The following RSPO4 variants were observed in gnomAD, a reference collection of about 807,000 sequenced individuals.
The protein encoded by RSPO4 is R-spondin 4.
In RSPO4, 23 loss-of-function variants were observed where a neutral mutation model predicts 24.8. That is an observed-to-expected ratio of 0.93 (90% CI 0.67 to 1.31). The LOEUF is 1.31. RSPO4 is among the 40% of genes most tolerant of loss of function. The probability of loss-of-function intolerance (pLI) is 0.00; values close to 1 mark genes in which losing one functional copy is unlikely to be tolerated. For missense variants in RSPO4, 333 were observed against 316.5 expected (o/e 1.05, Z -0.39); for synonymous variants, 141 against 127.4 (o/e 1.11, Z -0.72).
chr20:969,485 TC>T (rs2122221016), intron 1 of RSPO4, among the ~76,000 whole-genome samples: 1 of 152,176 alleles, frequency 6.6e-6, no homozygotes, highest in South Asian at 2.1e-4. Flanking sequence ...GGACATAAAC[TC>T]ATGTCCATAG....
intron 1 of RSPO4, among the ~76,000 whole-genome samples, chr20:975,623 T>G (rs148193559): frequency 0.014 from 2,170 of 152,314 alleles, 23 homozygotes; most frequent in Non-Finnish European, 0.022. Flanking sequence ...TTTGACAGTT[T>G]GCAAAGTGAT....
At chr20:991,910 G>A (rs944549064) in intron 1 of RSPO4, among the ~76,000 whole-genome samples, 1 of 152,140 alleles carries the variant, frequency 6.6e-6, no homozygotes, top group African/African-American at 2.4e-5. Context: ...AAACATCAAA[G>A]GAGAGCAAGG....
chr20:971,912 A>T lies in RSPO4; in HGVS notation c.80-3774T>A, dbSNP rs373259045. Among the ~76,000 whole-genome samples, 292 of 152,206 alleles carry T rather than the reference A, an allele frequency of 1.9e-3. 2 individuals carry two copies. The highest frequency in any genetic ancestry group is 6.6e-3 in the African/African-American group (275 of 41,532). On this transcript the variant is annotated intron_variant, in intron 1 of 4. Transcript: ENST00000217260. ...TCCTTCTCCACTAGCTCCCCTCCCAAGCCCTGTCCCATCCTCAAGCTGAGG... is the reference window on the plus strand; with the variant it reads ...TCCTTCTCCACTAGCTCCCCTCCCATGCCCTGTCCCATCCTCAAGCTGAGG...
At chr20:995,017 G>A (rs140443503) in intron 1 of RSPO4, among the ~76,000 whole-genome samples, 8 of 152,270 alleles carry the variant, frequency 5.3e-5, no homozygotes, top group African/African-American at 1.9e-4. Context: ...TTCAAGTTTT[G>A]CCTTCACCGC....
chr20:1,002,263 GCGCGCCGGGCGCATC>G lies in RSPO4; in HGVS notation c.-114_-100del. On this transcript the variant is annotated 5_prime_UTR_variant, in exon 1 of 5. An upstream start codon of the reference 5' UTR is lost. Coordinates refer to ENST00000217260, the MANE Select transcript of RSPO4 (RefSeq NM_001029871.4). The surrounding 1 kb of genome is among the most constrained non-coding windows in gnomAD (Gnocchi z 4.6). ...ACGGCGGGCGCGGGGGCTGCTGTGGGCGCGCCGGGCGCATCCGCCAGGCGCGGGTCGGTCCGGCCG... is the reference window on the plus strand; with the variant it reads ...ACGGCGGGCGCGGGGGCTGCTGTGGGCGCCAGGCGCGGGTCGGTCCGGCCG... The G allele has an allele frequency of 1.6e-6, 1 of 623,630 alleles. No homozygotes were observed. The allele number at this position is 623,630 out of a possible 1,614,324, so 38.6% of individuals were successfully genotyped here.
intron 4 of RSPO4, among the ~76,000 whole-genome samples, chr20:963,169 C>T (rs6077455): frequency 0.078 from 11,835 of 152,212 alleles, 527 homozygotes; most frequent in African/African-American, 0.11. Flanking sequence ...GGACGGCAAT[C>T]GGGATCCAGC....
rs928457646 is a variant in RSPO4 at position 968,038 on chromosome 20, C to A, written c.180G>T (p.Arg60=). 6.2e-7 allele frequency: 1 copy of A among 1,614,224 alleles called. No individual in the cohort carries two copies. Among genetic ancestry groups the A allele is most frequent in the Non-Finnish European group, 8.5e-7 (1 of 1,180,050 alleles). The part of the protein sequence containing the change: ...CQQRLFLFIR[R]EGIRQYGKCL... Reference sequence around the variant, plus strand: ...ACTTGCCGTACTGGCGGATGCCTTCCCGGCGGATGAACAGGAAGAGCCTCT... The same window carrying A: ...ACTTGCCGTACTGGCGGATGCCTTCACGGCGGATGAACAGGAAGAGCCTCT... Residue 60 remains arginine (R), a synonymous_variant, in exon 2 of 5, where the codon CGG becomes CGT. Transcript: ENST00000217260.
intron 1 of RSPO4, among the ~76,000 whole-genome samples, chr20:986,211 G>A (rs1266777056): frequency 1.3e-5 from 2 of 152,174 alleles, no homozygotes; most frequent in Non-Finnish European, 2.9e-5. Context: ...CCTGCCACAC[G>A]TGGGAGAAAG....
intron 4 of RSPO4, among the ~76,000 whole-genome samples, chr20:961,245 C>T (rs1181437861): frequency 1.3e-5 from 2 of 152,214 alleles, no homozygotes; most frequent in Admixed American, 1.3e-4. Context: ...TAAGTTTCTG[C>T]TTTACAAAGT....
At chr20:963,858 TG>T in intron 4 of RSPO4, 76 bp downstream of exon 4, 1 of 1,413,636 alleles carries the variant, frequency 7.1e-7, no homozygotes, top group East Asian at 2.3e-5. Flanking sequence ...ATACTATTTG[TG>T]GGGCAGTGAT....
chr20:994,092 G>T (rs1283115652), intron 1 of RSPO4, among the ~76,000 whole-genome samples: 1 of 152,278 alleles, frequency 6.6e-6, no homozygotes, highest in South Asian at 2.1e-4. Context: ...GTCTGAAATT[G>T]TTACATAAAA....
chr20:999,050 A>G (rs1391575649), intron 1 of RSPO4, among the ~76,000 whole-genome samples: 1 of 151,060 alleles, frequency 6.6e-6, no homozygotes, highest in Non-Finnish European at 1.5e-5. Context: ...CAGTGGCACA[A>G]TCACGGCTCA....
chr20:999,629 G>T (rs1356516902), intron 1 of RSPO4, among the ~76,000 whole-genome samples: 1 of 152,040 alleles, frequency 6.6e-6, no homozygotes, highest in Admixed American at 6.6e-5. Context: ...TTCTGAAGAT[G>T]CTAGGCAGGT....
At chr20:978,076 G>C (rs1002410355) in intron 1 of RSPO4, among the ~76,000 whole-genome samples, 1 of 152,138 alleles carries the variant, frequency 6.6e-6, no homozygotes, top group Non-Finnish European at 1.5e-5. Flanking sequence ...CCAGCTTAGA[G>C]ACTCCCTGGG....
intron 4 of RSPO4, among the ~76,000 whole-genome samples, chr20:963,318 G>A (rs570143708): frequency 1.3e-5 from 2 of 152,230 alleles, no homozygotes; most frequent in African/African-American, 2.4e-5. Context: ...AATTGGTTTC[G>A]AACACTTCCA....
chr20:971,605 G>C (rs1351377380), intron 1 of RSPO4, among the ~76,000 whole-genome samples: 1 of 152,144 alleles, frequency 6.6e-6, no homozygotes, highest in African/African-American at 2.4e-5. Context: ...GAGGAAAAAA[G>C]CAAGGTGCAC....
At chr20:984,189 C>G (rs952706926) in intron 1 of RSPO4, among the ~76,000 whole-genome samples, 4 of 151,916 alleles carry the variant, frequency 2.6e-5, no homozygotes, top group Admixed American at 6.6e-5. Flanking sequence ...CACAAAACAC[C>G]TGCACCAGGT....
intron 1 of RSPO4, among the ~76,000 whole-genome samples, chr20:997,173 C>A (rs972792953): frequency 1.3e-5 from 2 of 152,222 alleles, no homozygotes; most frequent in African/African-American, 4.8e-5. Flanking sequence ...ACCTGCACAG[C>A]TCCTGGCACA....
chr20:992,269 T>C (rs1322533542), intron 1 of RSPO4, among the ~76,000 whole-genome samples: 1 of 149,268 alleles, frequency 6.7e-6, no homozygotes, highest in Non-Finnish European at 1.5e-5. Flanking sequence ...CTTTCTTTTT[T>C]TTTTTTTTTT....
Sources: gnomAD v4.1 joint callset for allele counts (sites outside exome capture counted in the v4.1 genomes callset) on GRCh38, gnomAD v4.1.1 for gene constraint, Gnocchi (gnomAD v3.1) non-coding constraint, MANE v1.5 for transcripts, NCBI Gene and HGNC (gene_info 2026-07-23, HGNC 2026-07-21) for gene names.